The following KHDRBS2 variants were observed in gnomAD, a reference collection of about 807,000 sequenced individuals.
The protein encoded by KHDRBS2 is KH RNA binding domain containing, signal transduction associated 2.
A neutral mutation model predicts 44.3 loss-of-function variants in KHDRBS2; 26 were observed. That is an observed-to-expected ratio of 0.59 (90% CI 0.43 to 0.81). The LOEUF (loss-of-function observed/expected upper bound fraction) is 0.81, where lower values mean the gene tolerates loss of function less well. Ranked by LOEUF, KHDRBS2 falls within the 40% of genes least tolerant of loss-of-function variation. The pLI, the probability that KHDRBS2 is intolerant of heterozygous loss-of-function variation, is 0.00. For synonymous variants in KHDRBS2, 194 were observed against 151.1 expected (o/e 1.28, Z -2.08); for missense variants, 476 against 433.1 (o/e 1.10, Z -0.88).
rs1171576459 is a variant in KHDRBS2 at position 62,169,053 on chromosome 6, ATATATATATG to A, written c.219+8122_219+8131del. On this transcript the variant is annotated intron_variant, in intron 2 of 8. Transcript: ENST00000281156. Reference sequence around the variant, plus strand: ...TCCAGTCATATATATATATATATATATATATATATGTATACATGAATATAAATATATACAC... The same window carrying A: ...TCCAGTCATATATATATATATATATATATACATGAATATAAATATATACAC... 3.5e-5 allele frequency among the ~76,000 whole-genome samples: 5 copies of A among 141,772 alleles called. 1 individual carries two copies. The highest frequency in any genetic ancestry group is 1.3e-4 in the African/African-American group (5 of 39,072). 93.0% of individuals were successfully genotyped at this position (141,772 alleles called of 152,430 possible). A position where few individuals can be genotyped will look rare whatever the true frequency, so the allele number is the denominator to read the frequency against.
intron 2 of KHDRBS2, among the ~76,000 whole-genome samples, chr6:62,073,756 A>G (rs1449547857): frequency 6.6e-6 from 1 of 151,470 alleles, no homozygotes; most frequent in Non-Finnish European, 1.5e-5. Context: ...TCTGATTGCT[A>G]TCCCATGTTG....
At chr6:61,956,053 C>T (rs973439440) in intron 4 of KHDRBS2, among the ~76,000 whole-genome samples, 7 of 151,754 alleles carry the variant, frequency 4.6e-5, no homozygotes, top group African/African-American at 1.5e-4. Flanking sequence ...ATTAGCTGGG[C>T]GTGGTGGTGT....
At chr6:62,203,740 A>T (rs925145252) in intron 1 of KHDRBS2, among the ~76,000 whole-genome samples, 15 of 152,184 alleles carry the variant, frequency 9.9e-5, no homozygotes, top group Non-Finnish European at 2.2e-4. Context: ...TGGCAAGATC[A>T]GATTATTAAC....
chr6:61,938,150 C>T (rs1950094997), intron 4 of KHDRBS2, among the ~76,000 whole-genome samples: 1 of 152,018 alleles, frequency 6.6e-6, no homozygotes, highest in Non-Finnish European at 1.5e-5. Context: ...CTCAATATCG[C>T]TCTTCAAGGG....
intron 1 of KHDRBS2, among the ~76,000 whole-genome samples, chr6:62,258,086 A>G (rs978883489): frequency 6.6e-6 from 1 of 152,038 alleles, no homozygotes; most frequent in Non-Finnish European, 1.5e-5. Flanking sequence ...GGCACAAACA[A>G]CAGCAGGTTT....
chr6:61,957,752 C>T (rs1269166051), intron 4 of KHDRBS2, among the ~76,000 whole-genome samples: 2 of 152,120 alleles, frequency 1.3e-5, no homozygotes, highest in Non-Finnish European at 2.9e-5. Context: ...CCTCCATTTA[C>T]CTTGTGATAT....
At chr6:62,032,032 A>G (rs77273655) in intron 3 of KHDRBS2, among the ~76,000 whole-genome samples, 1 of 152,110 alleles carries the variant, frequency 6.6e-6, no homozygotes, top group East Asian at 1.9e-4. Flanking sequence ...GTGGCTTAGA[A>G]GAGAGACAGA....
At chr6:61,823,600 TC>T (rs1304713891) in intron 6 of KHDRBS2, among the ~76,000 whole-genome samples, 2 of 152,098 alleles carry the variant, frequency 1.3e-5, no homozygotes, top group African/African-American at 4.8e-5. Flanking sequence ...ACAAATCAGT[TC>T]ATTTTATGAT....
intron 2 of KHDRBS2, among the ~76,000 whole-genome samples, chr6:62,063,331 G>C (rs183847688): frequency 1.3e-3 from 192 of 151,408 alleles, no homozygotes; most frequent in Middle Eastern, 3.4e-3. Flanking sequence ...AACCGAACAA[G>C]AGAATTTTAG....
chr6:62,129,713 T>TA (rs1172862227), intron 2 of KHDRBS2, among the ~76,000 whole-genome samples: 1 of 152,106 alleles, frequency 6.6e-6, no homozygotes, highest in Non-Finnish European at 1.5e-5. Context: ...AAAATAGCAT[T>TA]AAAATTTTTT....
intron 6 of KHDRBS2, among the ~76,000 whole-genome samples, chr6:61,810,740 G>C (rs190845206): frequency 6.6e-6 from 1 of 151,948 alleles, no homozygotes; most frequent in Non-Finnish European, 1.5e-5. Flanking sequence ...GAGGGACTGA[G>C]AATTGAATAA....
the KHDRBS2 span, among the ~76,000 whole-genome samples, chr6:61,615,181 C>T: frequency 1.6e-5 from 2 of 126,252 alleles, no homozygotes; most frequent in Non-Finnish European, 3.2e-5. Context: ...TGCAGTGAGC[C>T]GAGATCACAC....
At chr6:62,133,630 A>T (rs2150091946) in intron 2 of KHDRBS2, among the ~76,000 whole-genome samples, 1 of 152,290 alleles carries the variant, frequency 6.6e-6, no homozygotes, top group Admixed American at 6.5e-5. Context: ...AGGCTGGAAT[A>T]TTTTGGAGGG....
chr6:61,747,085 C>T (rs1562083944), intron 6 of KHDRBS2, among the ~76,000 whole-genome samples: 1 of 150,186 alleles, frequency 6.7e-6, no homozygotes, highest in East Asian at 1.9e-4. Context: ...TAAGAACAGA[C>T]ATTTTTAAGA....
chr6:62,233,831 G>T (rs1833265777), intron 1 of KHDRBS2, among the ~76,000 whole-genome samples: 1 of 152,016 alleles, frequency 6.6e-6, no homozygotes, highest in Non-Finnish European at 1.5e-5. Context: ...ATTTTTTATG[G>T]CTGCATAGTA....
chr6:61,795,163 A>G (rs1298060551), intron 6 of KHDRBS2, among the ~76,000 whole-genome samples: 1 of 151,524 alleles, frequency 6.6e-6, no homozygotes, highest in Non-Finnish European at 1.5e-5. Context: ...AAAAAAAAAA[A>G]AAAAAAAGAA....
chr6:62,197,934 C>A (rs574750025), intron 1 of KHDRBS2, among the ~76,000 whole-genome samples: 2 of 152,270 alleles, frequency 1.3e-5, no homozygotes, highest in South Asian at 4.1e-4. Context: ...TTAAGAAACT[C>A]ACTCCAAACC....
chr6:61,950,365 G>T (rs1316124889), intron 4 of KHDRBS2, among the ~76,000 whole-genome samples: 1 of 151,946 alleles, frequency 6.6e-6, no homozygotes, highest in East Asian at 1.9e-4. Flanking sequence ...GCTAGGAAAT[G>T]AATTTCCTCA....
chr6:61,817,701 G>T (rs965259223), intron 6 of KHDRBS2, among the ~76,000 whole-genome samples: 1 of 151,960 alleles, frequency 6.6e-6, no homozygotes, highest in Non-Finnish European at 1.5e-5. Context: ...CTGTGGTTTT[G>T]TATACAATGC....
Sources: allele counts gnomAD v4.1 joint callset (sites outside exome capture counted in the v4.1 genomes callset), GRCh38; gene constraint gnomAD v4.1.1; transcripts MANE v1.5; gene names NCBI Gene and HGNC (gene_info 2026-07-23, HGNC 2026-07-21).